The following KCP variants were observed in gnomAD, a reference collection of about 807,000 sequenced individuals.
KCP encodes the protein kielin/chordin-like protein.
A neutral mutation model predicts 212.7 loss-of-function variants in KCP; 194 were observed. The observed-to-expected ratio is 0.91, with a 90% CI of 0.81 to 1.03. The LOEUF (loss-of-function observed/expected upper bound fraction) is 1.03, where lower values mean the gene tolerates loss of function less well. Ranked by LOEUF, KCP falls within the 50% of genes least tolerant of loss-of-function variation. The pLI, the probability that KCP is intolerant of heterozygous loss-of-function variation, is 0.00. For missense variants in KCP, 2,080 were observed against 2,162.5 expected (o/e 0.96, Z 0.76); for synonymous variants, 833 against 865.3 (o/e 0.96, Z 0.65).
chr7:128,903,678 C>T lies in KCP; in HGVS notation c.748+49G>A, dbSNP rs896050183. On this transcript the variant is annotated intron_variant, in intron 7 of 39. Coordinates refer to ENST00000610776, the MANE Select transcript of KCP (RefSeq NM_001366122.1). ...GTGGGCTCTGGAATTCAAGAAATGG[C>T]ACGACAACCTACCTGTGGCTCTACC... 4.9e-6 allele frequency: 7 copies of T among 1,431,478 alleles called. No individual in the cohort carries two copies. The African/African-American group carries it at 7.1e-5, about 15-fold the overall frequency. The allele number at this position is 1,431,478 out of a possible 1,614,324, so 88.7% of individuals were successfully genotyped here.
chr7:128,894,960 T>C (rs142756655), intron 8 of KCP, among the ~76,000 whole-genome samples: 13 of 151,948 alleles, frequency 8.6e-5, no homozygotes, highest in Admixed American at 3.9e-4. Flanking sequence ...GGGAGAATGG[T>C]ATGGAAAAGA....
rs779950744 is a variant in KCP, at chr7:128,885,142, C to A, written c.2995G>T (p.Ala999Ser). Residue 999 changes from alanine (A) to serine (S), a missense_variant, in exon 27 of 40, where the codon GCC (alanine) becomes TCC (serine). Physicochemically the swap from Ala to Ser is moderately conservative, Grantham distance 99. Coordinates refer to ENST00000610776, the MANE Select transcript of KCP (RefSeq NM_001366122.1). ...CARIQCISSC[A>S]QPRQGPHDCC... ...TCATGGGGCCCTTGGCGGGGCTGGG[C>A]GCAAGAGCTGATGCACTGGATGCGT... 8 of 1,550,818 alleles carry A rather than the reference C, an allele frequency of 5.2e-6. No individual in the cohort carries two copies. The African/African-American group carries it at 1.1e-4, about 21-fold the overall frequency.
chr7:128,907,040 G>A (rs1317730700), intron 4 of KCP, 61 bp downstream of exon 4: 8 of 1,475,148 alleles, frequency 5.4e-6, no homozygotes, highest in African/African-American at 1.4e-5. Flanking sequence ...ACGCTGCAGT[G>A]ACAGGTAGCT....
At chr7:128,903,927 G>A (rs1794989918) in intron 6 of KCP, 107 bp from the exon 7 acceptor site, 7 of 1,363,992 alleles carry the variant, frequency 5.1e-6, no homozygotes, top group Non-Finnish European at 7.2e-6. Flanking sequence ...CAGGGATGGA[G>A]GGAGAACCTA....
intron 37 of KCP, 125 bp from the exon 38 acceptor site, chr7:128,878,847 G>A (rs1053668182): frequency 2.6e-5 from 25 of 964,934 alleles, no homozygotes; most frequent in Non-Finnish European, 3.6e-5. Flanking sequence ...GAATGGACAG[G>A]TGGAGGCTCC....
At chr7:128,893,682 G>T in intron 11 of KCP, 124 bp downstream of exon 11, 1 of 1,110,626 alleles carries the variant, frequency 9.0e-7, no homozygotes, top group Non-Finnish European at 1.3e-6. Context: ...AGAAGGTGTG[G>T]TGAGGACTCA....
At position 128,891,635 on chromosome 7, in the gene KCP, G is replaced by A. The variant is rs1192150324; in HGVS notation, c.1795+11C>T. 12 of 1,478,528 alleles carry A rather than the reference G, an allele frequency of 8.1e-6. No individual in the cohort carries two copies. In the African/African-American group the frequency reaches 8.4e-5, roughly 10 times the overall value. The allele number at this position is 1,478,528 out of a possible 1,614,324, so 91.6% of individuals were successfully genotyped here. A position where few individuals can be genotyped will look rare whatever the true frequency, so the allele number is the denominator to read the frequency against. On this transcript the variant is annotated intron_variant, in intron 17 of 39. Transcript: ENST00000610776. ...CCATCCCAGAAGGCCGCCCTGACCC[G>A]CCCACCTCACCGCTGCAGTCGTTCG... is the stretch of plus-strand genomic sequence containing the variant.
In KCP at chr7:128,886,683, G is replaced by A. The variant is rs1487785671; in HGVS notation, c.2744C>T (p.Ala915Val). 8 of 1,551,516 alleles carry A rather than the reference G, an allele frequency of 5.2e-6. No individual in the cohort carries two copies. The highest frequency in any genetic ancestry group is 2.6e-6 in the Non-Finnish European group (3 of 1,146,962). The change falls in exon 25 of 40, where the codon GCA (alanine) becomes GTA (valine). Residue 915 changes from alanine to valine, a missense_variant. Ala to Val is a moderately conservative substitution (Grantham distance 64, BLOSUM62 0). Coordinates refer to ENST00000610776, the MANE Select transcript of KCP (RefSeq NM_001366122.1). ...ACAGCGACACCACTCACAGCTGCCTGCTGGTCCCTCAAACTCCTCCCCATC... is the reference window on the plus strand; with the variant it reads ...ACAGCGACACCACTCACAGCTGCCTACTGGTCCCTCAAACTCCTCCCCATC... ...HQDGEEFEGPAGSCEWCRCQA... is the reference protein window; with the variant it reads ...HQDGEEFEGPVGSCEWCRCQA...
At chr7:128,903,061 T>G (rs1794944535) in intron 7 of KCP, 1 of 600,690 alleles carries the variant, frequency 1.7e-6, no homozygotes, top group Non-Finnish European at 3.0e-6. Flanking sequence ...TAGCCCGCCC[T>G]TTCTGGTCTT....
At chr7:128,893,194 G>C (rs1415835613) in intron 13 of KCP, 44 bp downstream of exon 13, 4 of 1,534,140 alleles carry the variant, frequency 2.6e-6, no homozygotes, top group Non-Finnish European at 3.5e-6. Context: ...GCAGCCCTCA[G>C]AGGCAGCGCC....
chr7:128,885,405 G>A, intron 26 of KCP, 135 bp from the exon 27 acceptor site: 1 of 840,398 alleles, frequency 1.2e-6, no homozygotes, highest in Non-Finnish European at 1.8e-6. Context: ...AAGGTGCGAT[G>A]GGGCAGAACT....
intron 7 of KCP, chr7:128,903,082 A>G: frequency 1.7e-6 from 1 of 581,152 alleles, no homozygotes. Flanking sequence ...CCGTGGACAG[A>G]GCATAGCCAC....
In KCP at chr7:128,893,092, G is replaced by C. The variant is rs905311016; in HGVS notation, c.1268-71C>G. The C allele has an allele frequency of 1.6e-5, 15 of 961,436 alleles. No homozygotes were observed. In the African/African-American group the frequency reaches 2.4e-4, roughly 16 times the overall value. The allele number at this position is 961,436 out of a possible 1,614,324, so 59.6% of individuals were successfully genotyped here. A position where few individuals can be genotyped will look rare whatever the true frequency, so the allele number is the denominator to read the frequency against. On this transcript the variant is annotated intron_variant, in intron 13 of 39. Coordinates refer to ENST00000610776, the MANE Select transcript of KCP (RefSeq NM_001366122.1). ...CATCCCTGTCCTTCCCAGGACACAGGGACCCCACCTTCGCCATCCCCGCTG... is the reference window on the plus strand; with the variant it reads ...CATCCCTGTCCTTCCCAGGACACAGCGACCCCACCTTCGCCATCCCCGCTG...
Position 128,885,122 on chromosome 7 carries a change from G to A in KCP, c.3015C>T (p.Pro1005=). ...ISSCAQPRQG[P]HDCCPQCSDC... ...CAGAGCATTGAGGACAGCAGTCATG[G>A]GGCCCTTGGCGGGGCTGGGCGCAAG... The change falls in exon 27 of 40, where the codon CCC becomes CCT. Residue 1005 remains proline, a synonymous_variant. Transcript: ENST00000610776. The A allele has an allele frequency of 6.4e-7, 1 of 1,550,878 alleles. No individual in the cohort carries two copies. The highest frequency in any genetic ancestry group is 8.7e-7 in the Non-Finnish European group (1 of 1,147,012).
In KCP at chr7:128,891,742, A is replaced by T. The variant is rs1032452972; in HGVS notation, c.1699T>A (p.Cys567Ser). The T allele has an allele frequency of 6.9e-7, 1 of 1,447,452 alleles. No homozygotes were observed. Among genetic ancestry groups the T allele is most frequent in the Non-Finnish European group, 9.1e-7 (1 of 1,097,906 alleles). The allele number at this position is 1,447,452 out of a possible 1,614,324, so 89.7% of individuals were successfully genotyped here. ...HPRDPCQECR[C>S]QEGHAHCQPR... is the part of the protein sequence containing the mutation. ...TGGCAGTGGGCATGGCCTTCCTGGC[A>T]TCGGCACTCCTGGCAGGGGTCTCGG... The change falls in exon 17 of 40, where the codon TGC becomes AGC. Residue 567 changes from cysteine (C) to serine (S), a missense_variant. Cys to Ser is a moderately radical substitution (Grantham distance 112). Coordinates refer to ENST00000610776, the MANE Select transcript of KCP (RefSeq NM_001366122.1).
At position 128,906,262 on chromosome 7, in the gene KCP, A is replaced by G. The variant is rs1349668365; in HGVS notation, c.571+17T>C. The G allele has an allele frequency of 1.9e-6, 3 of 1,543,874 alleles. No individual in the cohort carries two copies. The highest frequency in any genetic ancestry group is 1.4e-5 in the African/African-American group (1 of 72,838). ...AAGGCAAGCAGGAGGTGGGGCTGAG[A>G]CTGGCAGGAGGCTGACCTGGCTTAC... On this transcript the variant is annotated intron_variant, in intron 5 of 39. Transcript: ENST00000610776.
At chr7:128,908,693 GC>G in intron 1 of KCP, 125 bp from the exon 2 acceptor site, 1 of 1,030,720 alleles carries the variant, frequency 9.7e-7, no homozygotes, top group Non-Finnish European at 1.4e-6. Context: ...CTCTCCAATT[GC>G]CCACCCACCA....
chr7:128,886,378 G>A (rs1256852873), intron 26 of KCP, 86 bp downstream of exon 26: 2 of 1,147,580 alleles, frequency 1.7e-6, no homozygotes, highest in Non-Finnish European at 2.4e-6. Flanking sequence ...TGGGAGAAGA[G>A]CTGGCTGAGG....
chr7:128,891,693 G>C lies in KCP; in HGVS notation c.1748C>G (p.Pro583Arg). 6.9e-7 allele frequency: 1 copy of C among 1,451,508 alleles called. No individual in the cohort carries two copies. 89.9% of individuals were successfully genotyped at this position (1,451,508 alleles called of 1,614,324 possible). ...HCQPRPCPRA[P>R]CAHPLPGTCC... is the part of the protein sequence containing the mutation. The stretch of plus-strand genomic sequence containing the variant: ...GGTCCCAGGCAGCGGGTGGGCACAG[G>C]GGGCCCTGGGGCAGGGGCGAGGCTG... Residue 583 changes from proline (P) to arginine (R), a missense_variant, in exon 17 of 40, where the codon CCC (proline) becomes CGC (arginine). Coordinates refer to ENST00000610776, the MANE Select transcript of KCP (RefSeq NM_001366122.1).
Sources: gnomAD v4.1 joint callset for allele counts (sites outside exome capture counted in the v4.1 genomes callset) on GRCh38, gnomAD v4.1.1 for gene constraint, MANE v1.5 for transcripts, NCBI Gene and HGNC (gene_info 2026-07-23, HGNC 2026-07-21) for gene names.